The following SHC3 variants were observed in gnomAD, a reference collection of about 807,000 sequenced individuals.
SHC3 encodes the protein SHC-transforming protein 3.
In SHC3, 15 loss-of-function variants were observed where a neutral mutation model predicts 60.4. The ratio of observed to expected loss-of-function variants is 0.25; its 90% confidence interval spans 0.17 to 0.38. The LOEUF is 0.38. Among genes scored for constraint, SHC3 ranks in the 10% least tolerant of loss-of-function variants. The pLI is 1.00. For missense variants in SHC3, 677 were observed against 786.1 expected (o/e 0.86, Z 1.66); for synonymous variants, 294 against 325.9 (o/e 0.90, Z 1.05).
At chr9:89,032,802 C>A (rs1045997068) in intron 11 of SHC3, among the ~76,000 whole-genome samples, 4 of 152,102 alleles carry the variant, frequency 2.6e-5, no homozygotes, top group Non-Finnish European at 4.4e-5. Flanking sequence ...CTGTTCTCTG[C>A]CAAGTTTCCC....
intron 1 of SHC3, among the ~76,000 whole-genome samples, chr9:89,161,064 G>A (rs967831221): frequency 6.6e-6 from 1 of 152,108 alleles, no homozygotes; most frequent in East Asian, 1.9e-4. Context: ...TATTTAACAC[G>A]GGCTCCTGCT....
intron 1 of SHC3, among the ~76,000 whole-genome samples, chr9:89,138,535 A>C (rs1277730137): frequency 6.6e-6 from 1 of 152,100 alleles, no homozygotes; most frequent in African/African-American, 2.4e-5. Context: ...CAGCTTCTTG[A>C]CTGCAATCTG....
At position 89,052,103 on chromosome 9, in the gene SHC3, T is replaced by A; in HGVS notation, c.896A>T (p.Gln299Leu). 6.2e-7 allele frequency: 1 copy of A among 1,614,160 alleles called. No homozygotes were observed. Among genetic ancestry groups the A allele is most frequent in the Non-Finnish European group, 8.5e-7 (1 of 1,179,996 alleles). ...TTGCTTAAACCGGAGCTCAAAGGCT[T>A]GTCCGATGGAGCCGATGACATCCTG... ...LAQDVIGSIGQAFELRFKQYL... is the reference protein window; with the variant it reads ...LAQDVIGSIGLAFELRFKQYL... Residue 299 changes from glutamine (Q) to leucine (L), a missense_variant, in exon 7 of 12, where the codon CAA (glutamine) becomes CTA (leucine). Transcript: ENST00000375835.
chr9:89,075,307 T>C (rs2118006999), intron 3 of SHC3, 79 bp from the exon 4 acceptor site: 1 of 1,548,204 alleles, frequency 6.5e-7, no homozygotes. Context: ...GCCATACCCC[T>C]AAACTCTCAC....
rs147732130 is a variant in SHC3 at position 89,066,719 on chromosome 9, C to A, written c.784-1139G>T. On this transcript the variant is annotated intron_variant, in intron 5 of 11. Coordinates refer to ENST00000375835, the MANE Select transcript of SHC3 (RefSeq NM_016848.6). ...TTGAAGGGCTTCCAGGTTATTGATA[C>A]GCTCCCGATGTTGCCAGCACCTAAA... Among the ~76,000 whole-genome samples, 4 of 152,270 alleles carry A rather than the reference C, an allele frequency of 2.6e-5. No individual in the cohort carries two copies. The East Asian group carries it at 7.7e-4, about 29-fold the overall frequency.
At chr9:89,069,532 A>T (rs977371310) in intron 5 of SHC3, among the ~76,000 whole-genome samples, 1 of 152,194 alleles carries the variant, frequency 6.6e-6, no homozygotes, top group Non-Finnish European at 1.5e-5. Flanking sequence ...GGAATGGCAG[A>T]TCTCAGGGCT....
intron 6 of SHC3, among the ~76,000 whole-genome samples, chr9:89,057,536 A>C (rs1205033889): frequency 6.6e-6 from 1 of 152,114 alleles, no homozygotes; most frequent in African/African-American, 2.4e-5. Flanking sequence ...TGGAATTATA[A>C]AGTAAAATGA....
At chr9:89,131,963 CA>C (rs1826252766) in intron 1 of SHC3, among the ~76,000 whole-genome samples, 1 of 152,140 alleles carries the variant, frequency 6.6e-6, no homozygotes, top group South Asian at 2.1e-4. Context: ...AAGAGGAAGT[CA>C]AATTGTCCCC....
chr9:89,120,365 A>G (rs1826075612), intron 1 of SHC3, among the ~76,000 whole-genome samples: 1 of 152,222 alleles, frequency 6.6e-6, no homozygotes. Context: ...TCTGTGAGTC[A>G]TTAAGTCAGC....
intron 1 of SHC3, among the ~76,000 whole-genome samples, chr9:89,129,377 C>T (rs552674037): frequency 1.3e-5 from 2 of 152,278 alleles, no homozygotes; most frequent in Admixed American, 6.5e-5. Context: ...GCAAGGTAGG[C>T]CAACATTCAA....
chr9:89,026,254 C>CAAAA (rs67891062), intron 11 of SHC3, among the ~76,000 whole-genome samples: 3 of 102,154 alleles, frequency 2.9e-5, no homozygotes, highest in Non-Finnish European at 5.8e-5. Context: ...AACTACATCT[C>CAAAA]AAAAAAAAAA....
chr9:89,174,535 G>A (rs771857935), intron 1 of SHC3, among the ~76,000 whole-genome samples: 1 of 152,236 alleles, frequency 6.6e-6, no homozygotes, highest in Non-Finnish European at 1.5e-5. Context: ...GACGCTGTTG[G>A]AATAGCTCTG....
At chr9:89,124,855 A>G (rs540471286) in intron 1 of SHC3, among the ~76,000 whole-genome samples, 1 of 140,032 alleles carries the variant, frequency 7.1e-6, no homozygotes, top group Non-Finnish European at 1.5e-5. Context: ...AAAGTAAAAT[A>G]AAAAAAAAAA....
chr9:89,091,458 G>A (rs1825620088), intron 2 of SHC3, among the ~76,000 whole-genome samples: 1 of 152,020 alleles, frequency 6.6e-6, no homozygotes, highest in South Asian at 2.1e-4. Context: ...CTTATTACAG[G>A]TAAACTAAAA....
chr9:89,025,652 T>C (rs1826283192), intron 11 of SHC3, among the ~76,000 whole-genome samples: 1 of 152,166 alleles, frequency 6.6e-6, no homozygotes, highest in South Asian at 2.1e-4. Flanking sequence ...CAGGCACAAC[T>C]GACCAGCAGT....
At chr9:89,048,929 A>T (rs1050755980) in intron 7 of SHC3, among the ~76,000 whole-genome samples, 2 of 152,138 alleles carry the variant, frequency 1.3e-5, no homozygotes, top group African/African-American at 4.8e-5. Context: ...CGACAGTATG[A>T]AGCTACAGGC....
chr9:89,038,696 A>G (rs1241839714), intron 10 of SHC3, among the ~76,000 whole-genome samples: 34 of 152,258 alleles, frequency 2.2e-4, no homozygotes. Context: ...AAATCTGCCA[A>G]TACCAAAGGG....
At chr9:89,020,221 T>G (rs1203734949) in intron 11 of SHC3, among the ~76,000 whole-genome samples, 1 of 121,064 alleles carries the variant, frequency 8.3e-6, no homozygotes, top group African/African-American at 3.2e-5. Context: ...GTAAGGAGAG[T>G]GGGGGTCAGG....
intron 2 of SHC3, among the ~76,000 whole-genome samples, chr9:89,107,376 T>C (rs937823037): frequency 2.2e-4 from 33 of 152,320 alleles, no homozygotes; most frequent in Middle Eastern, 3.4e-3. Flanking sequence ...TGCACCCCTA[T>C]GTCTAATGCA....
Sources: gnomAD v4.1 joint callset for allele counts (sites outside exome capture counted in the v4.1 genomes callset) on GRCh38, gnomAD v4.1.1 for gene constraint, MANE v1.5 for transcripts, NCBI Gene and HGNC (gene_info 2026-07-23, HGNC 2026-07-21) for gene names.